Variants in MBOAT2 observed in about 807,000 individuals in gnomAD.
MBOAT2 encodes the protein membrane bound glycerophospholipid O-acyltransferase 2, also known as membrane-bound glycerophospholipid O-acyltransferase 2.
A neutral mutation model predicts 63.4 loss-of-function variants in MBOAT2; 28 were observed. The observed-to-expected ratio is 0.44, with a 90% CI of 0.33 to 0.61. MBOAT2 has a LOEUF of 0.61. MBOAT2 is among the 20% of genes least tolerant of loss of function. The pLI is 0.03. For synonymous variants in MBOAT2, 211 were observed against 215.6 expected (o/e 0.98, Z 0.19); for missense variants, 470 against 605.8 (o/e 0.78, Z 2.35).
intron 5 of MBOAT2, among the ~76,000 whole-genome samples, chr2:8,885,869 TA>T (rs1663513401): frequency 6.6e-6 from 1 of 152,244 alleles, no homozygotes; most frequent in Non-Finnish European, 1.5e-5. Flanking sequence ...TGGTTTCATC[TA>T]GGGGTGGTCC....
intron 5 of MBOAT2, among the ~76,000 whole-genome samples, chr2:8,883,571 C>T (rs1040599516): frequency 6.6e-6 from 1 of 152,128 alleles, no homozygotes; most frequent in African/African-American, 2.4e-5. Flanking sequence ...GAGGAAAGAG[C>T]AGACGAAAAA....
chr2:8,883,445 T>C (rs1357066621), intron 5 of MBOAT2, among the ~76,000 whole-genome samples: 1 of 152,208 alleles, frequency 6.6e-6, no homozygotes, highest in Non-Finnish European at 1.5e-5. Context: ...CTTACTCATA[T>C]AATACAATCT....
At chr2:8,889,378 G>A (rs566250880) in intron 4 of MBOAT2, among the ~76,000 whole-genome samples, 87 of 152,254 alleles carry the variant, frequency 5.7e-4, no homozygotes, top group African/African-American at 2.1e-3. Flanking sequence ...CTCAACTAAC[G>A]GGAAGGTCTC....
chr2:8,917,596 G>A (rs1223212495), intron 3 of MBOAT2, among the ~76,000 whole-genome samples: 1 of 152,172 alleles, frequency 6.6e-6, no homozygotes, highest in Non-Finnish European at 1.5e-5. Flanking sequence ...AACTGCTGGT[G>A]GGAACAGAAA....
At chr2:8,983,402 G>A (rs1254098045) in intron 1 of MBOAT2, among the ~76,000 whole-genome samples, 1 of 151,942 alleles carries the variant, frequency 6.6e-6, no homozygotes, top group Non-Finnish European at 1.5e-5. Context: ...GAAACACTTT[G>A]GAATTTAAAA....
At chr2:8,978,646 C>G (rs1670993197) in intron 1 of MBOAT2, among the ~76,000 whole-genome samples, 1 of 151,990 alleles carries the variant, frequency 6.6e-6, no homozygotes, top group Admixed American at 6.6e-5. Context: ...GGGAAAAACA[C>G]ACACTGGGGC....
Position 8,887,081 on chromosome 2 carries a change from T to C in MBOAT2, c.451+937A>G, listed in dbSNP as rs568778494. Among the ~76,000 whole-genome samples the C allele has an allele frequency of 1.2e-4, 19 of 152,294 alleles. No homozygotes were observed. The South Asian group carries it at 3.7e-3, about 30-fold the overall frequency. ...GAAGCAGTAAGAAGCTGAACTGGAATCTGAGCGTACATCTGCCCATCCATC... is the reference window on the plus strand; with the variant it reads ...GAAGCAGTAAGAAGCTGAACTGGAACCTGAGCGTACATCTGCCCATCCATC... On this transcript the variant is annotated intron_variant, in intron 5 of 12. Transcript: ENST00000305997.
At chr2:8,915,734 GA>G (rs1395432445) in intron 3 of MBOAT2, among the ~76,000 whole-genome samples, 1 of 152,160 alleles carries the variant, frequency 6.6e-6, no homozygotes, top group Non-Finnish European at 1.5e-5. Context: ...GTCCATTTAT[GA>G]ATTTCACTGA....
intron 1 of MBOAT2, among the ~76,000 whole-genome samples, chr2:8,994,374 A>C (rs1356126668): frequency 6.6e-6 from 1 of 152,168 alleles, no homozygotes; most frequent in Non-Finnish European, 1.5e-5. Flanking sequence ...CTGGAGTTGG[A>C]GGGGTACTCA....
intron 4 of MBOAT2, among the ~76,000 whole-genome samples, chr2:8,903,036 C>T (rs553229637): frequency 7.9e-5 from 12 of 152,266 alleles, no homozygotes; most frequent in African/African-American, 2.9e-4. Flanking sequence ...TAGGTAGACA[C>T]AGAATGCTGA....
intron 3 of MBOAT2, among the ~76,000 whole-genome samples, chr2:8,910,633 T>C (rs1236249589): frequency 1.3e-5 from 2 of 151,958 alleles, no homozygotes; most frequent in African/African-American, 4.8e-5. Flanking sequence ...CTCTGATAGA[T>C]AAAAAAAAGT....
chr2:8,928,537 C>T (rs1476445349), intron 3 of MBOAT2, among the ~76,000 whole-genome samples: 1 of 151,854 alleles, frequency 6.6e-6, no homozygotes, highest in African/African-American at 2.4e-5. Context: ...TTGAGGAAAC[C>T]AAAGAAACAT....
At chr2:8,982,340 T>A (rs1671255323) in intron 1 of MBOAT2, among the ~76,000 whole-genome samples, 1 of 152,172 alleles carries the variant, frequency 6.6e-6, no homozygotes, top group Admixed American at 6.6e-5. Context: ...AAAGCATTAT[T>A]CTTAAGGTAT....
At chr2:8,896,954 G>A (rs1006002570) in intron 4 of MBOAT2, among the ~76,000 whole-genome samples, 1 of 152,222 alleles carries the variant, frequency 6.6e-6, no homozygotes, top group Non-Finnish European at 1.5e-5. Flanking sequence ...GAAGGCTACG[G>A]GCTGTCAGTG....
intron 8 of MBOAT2, among the ~76,000 whole-genome samples, chr2:8,869,893 G>A (rs968803574): frequency 1.7e-4 from 26 of 152,246 alleles, no homozygotes; most frequent in African/African-American, 6.3e-4. Flanking sequence ...TGTGATCTAA[G>A]AGCAATGAAA....
intron 4 of MBOAT2, among the ~76,000 whole-genome samples, chr2:8,899,530 C>T (rs905384039): frequency 9.8e-5 from 15 of 152,292 alleles, no homozygotes; most frequent in African/African-American, 2.4e-4. Flanking sequence ...CATGAGCTGG[C>T]GCTTGCCCTG....
At chr2:8,984,908 G>A (rs2103346286) in intron 1 of MBOAT2, among the ~76,000 whole-genome samples, 1 of 152,196 alleles carries the variant, frequency 6.6e-6, no homozygotes, top group East Asian at 1.9e-4. Flanking sequence ...GCCCCCAATG[G>A]TCTGAACAAG....
chr2:8,995,104 A>T (rs1672184996), intron 1 of MBOAT2, among the ~76,000 whole-genome samples: 1 of 152,172 alleles, frequency 6.6e-6, no homozygotes. Context: ...TCAGACAGAG[A>T]CTTTCAAAGG....
At chr2:8,919,902 G>T (rs1558615743) in intron 3 of MBOAT2, among the ~76,000 whole-genome samples, 4 of 151,960 alleles carry the variant, frequency 2.6e-5, no homozygotes, top group South Asian at 2.1e-4. Context: ...CTACAGGTGT[G>T]CGCCACCACA....
Sources: allele counts gnomAD v4.1 joint callset (sites outside exome capture counted in the v4.1 genomes callset), GRCh38; gene constraint gnomAD v4.1.1; transcripts MANE v1.5; gene names NCBI Gene and HGNC (gene_info 2026-07-23, HGNC 2026-07-21).